S100A8: variants seen among roughly 807,000 people sequenced by gnomAD.
The protein encoded by S100A8 is S100 calcium binding protein A8, also known as protein S100-A8.
In S100A8, 1 loss-of-function variant was observed where a neutral mutation model predicts 4.2. The ratio of observed to expected loss-of-function variants is 0.24; its 90% CI spans 0.08 to 1.12. The LOEUF (loss-of-function observed/expected upper bound fraction) is 1.12, where lower values mean the gene tolerates loss of function less well. Among genes scored for constraint, S100A8 ranks in the 50% most tolerant of loss-of-function variants. The probability of loss-of-function intolerance (pLI) is 0.53; values close to 1 mark genes in which losing one functional copy is unlikely to be tolerated. For synonymous variants in S100A8, 41 were observed against 44.7 expected, an observed-to-expected ratio of 0.92 and a Z score of 0.33; for missense variants, 96 against 111.8, an observed-to-expected ratio of 0.86 and a Z score of 0.64.
At chr1:153,417,363 C>G in the S100A8 span, 1 of 152,266 alleles carries the variant, frequency 6.6e-6, no homozygotes, top group Non-Finnish European at 1.5e-5. Context: ...GAAGCGACTC[C>G]CACCTCACTC....
the S100A8 span, chr1:153,419,325 G>C: frequency 2.5e-6 from 4 of 1,610,130 alleles, no homozygotes; most frequent in Non-Finnish European, 3.4e-6. Context: ...CCCCACCAAG[G>C]GGCCTCCAGA....
At chr1:153,421,769 T>C in the S100A8 span, 1 of 152,232 alleles carries the variant, frequency 6.6e-6, no homozygotes, top group African/African-American at 2.4e-5. Context: ...AATTGGCCAC[T>C]CCTAATGTGG....
the S100A8 span, among the ~76,000 whole-genome samples, chr1:153,416,949 T>G: frequency 3.9e-5 from 6 of 152,208 alleles, no homozygotes; most frequent in East Asian, 1.2e-3. Flanking sequence ...AAGGATCCCC[T>G]GTGAATGCTT....
chr1:153,420,572 C>T, the S100A8 span: 24,712 of 152,236 alleles, frequency 0.16, 2,900 homozygotes, highest in African/African-American at 0.34. Context: ...CTGCTCCACT[C>T]CACACTCACA....
chr1:153,404,460 A>G, the S100A8 span, among the ~76,000 whole-genome samples: 1 of 152,004 alleles, frequency 6.6e-6, no homozygotes, highest in Non-Finnish European at 1.5e-5. Context: ...CTGGAAGGGG[A>G]TTGTTATGAA....
intron 1 of S100A8, 99 bp from the exon 2 acceptor site, chr1:153,390,656 T>A: frequency 7.0e-7 from 1 of 1,432,340 alleles, no homozygotes; most frequent in East Asian, 2.3e-5. Flanking sequence ...GGCCTTGTCC[T>A]GGCCTGCACT....
the S100A8 span, among the ~76,000 whole-genome samples, chr1:153,412,296 A>G: frequency 6.6e-6 from 1 of 152,142 alleles, no homozygotes; most frequent in Non-Finnish European, 1.5e-5. Flanking sequence ...AGAAAAAAAC[A>G]AACAACCCCA....
intron 1 of S100A8, chr1:153,390,812 C>T (rs1436068834): frequency 3.8e-6 from 2 of 526,652 alleles, no homozygotes; most frequent in South Asian, 6.0e-5. Flanking sequence ...ACCACCCCAC[C>T]CTCTGCTCAA....
the S100A8 span, among the ~76,000 whole-genome samples, chr1:153,405,771 C>G: frequency 6.6e-6 from 1 of 152,058 alleles, no homozygotes; most frequent in African/African-American, 2.4e-5. Flanking sequence ...GCCACCAACT[C>G]TCTCTGTGTC....
At chr1:153,415,722 C>A in the S100A8 span, among the ~76,000 whole-genome samples, 1 of 43,354 alleles carries the variant, frequency 2.3e-5, no homozygotes, top group African/African-American at 1.1e-4. Flanking sequence ...GCGGGGGGGG[C>A]GGGGGTCACT....
chr1:153,405,636 C>G, the S100A8 span, among the ~76,000 whole-genome samples: 3 of 152,264 alleles, frequency 2.0e-5, no homozygotes, highest in African/African-American at 7.2e-5. Flanking sequence ...GCTAGCCATA[C>G]TGCCCAGACC....
In S100A8 at chr1:153,390,154, C is replaced by T. The variant is rs368896295; in HGVS notation, c.231G>A (p.Lys77=). Residue 77 remains lysine, a synonymous_variant, in exon 3 of 3, where the codon AAG becomes AAA. Coordinates refer to ENST00000368733, the MANE Select transcript of S100A8 (RefSeq NM_002964.5). ...TTTTTTTGTGGGCTGCCACGCCCAT[C>T]TTTATCACCAGAATGAGGAACTCCT... is the stretch of plus-strand genomic sequence containing the variant. ...NFQEFLILVI[K]MGVAAHKKSH... is the part of the protein sequence containing the mutation. The T allele has an allele frequency of 6.2e-6, 10 of 1,613,994 alleles. No homozygotes were observed. The highest frequency in any genetic ancestry group is 1.1e-5 in the South Asian group (1 of 91,080).
chr1:153,419,832 T>A, the S100A8 span: 1 of 154,826 alleles, frequency 6.5e-6, no homozygotes, highest in Admixed American at 6.4e-5. Context: ...CTTGGGGCTA[T>A]GAATGGGAGG....
At chr1:153,405,974 T>C in the S100A8 span, among the ~76,000 whole-genome samples, 1 of 152,148 alleles carries the variant, frequency 6.6e-6, no homozygotes, top group Non-Finnish European at 1.5e-5. Flanking sequence ...AGTCCAGAGA[T>C]GCAGCTGGCC....
chr1:153,403,022 C>T, the S100A8 span, among the ~76,000 whole-genome samples: 2 of 152,214 alleles, frequency 1.3e-5, no homozygotes, highest in Non-Finnish European at 2.9e-5. Flanking sequence ...CTTTTCAATA[C>T]ATTTTACTGG....
At chr1:153,417,651 T>C in the S100A8 span, among the ~76,000 whole-genome samples, 9 of 152,194 alleles carry the variant, frequency 5.9e-5, no homozygotes, top group Admixed American at 5.9e-4. Flanking sequence ...AAGGCCATTG[T>C]CCTGCCCCCG....
chr1:153,417,505 C>A, the S100A8 span, among the ~76,000 whole-genome samples: 4 of 152,280 alleles, frequency 2.6e-5, no homozygotes, highest in African/African-American at 9.6e-5. Context: ...GTTTCCTGCT[C>A]ACACTCATGT....
the S100A8 span, among the ~76,000 whole-genome samples, chr1:153,414,061 A>G: frequency 2.0e-5 from 3 of 151,390 alleles, no homozygotes; most frequent in Middle Eastern, 3.4e-3. Flanking sequence ...TTCCTTTTGT[A>G]TTGCATTTCT....
chr1:153,415,318 G>A, the S100A8 span, among the ~76,000 whole-genome samples: 1 of 152,114 alleles, frequency 6.6e-6, no homozygotes, highest in Non-Finnish European at 1.5e-5. Context: ...AAGATGATGG[G>A]TGGAGAAAAT....
Sources: gnomAD v4.1 joint callset for allele counts (sites outside exome capture counted in the v4.1 genomes callset) on GRCh38, gnomAD v4.1.1 for gene constraint, MANE v1.5 for transcripts, NCBI Gene and HGNC (gene_info 2026-07-23, HGNC 2026-07-21) for gene names.